Variants in RASAL1 observed in about 807,000 individuals in gnomAD.
RASAL1 encodes the protein RAS protein activator like 1.
Under a neutral mutation model 96.6 loss-of-function variants are expected in RASAL1, and 72 were observed. That is an observed-to-expected ratio of 0.75 (90% CI 0.62 to 0.91). RASAL1 has a LOEUF of 0.91. RASAL1 is among the 40% of genes least tolerant of loss of function. The pLI is 0.00. For synonymous variants in RASAL1, 405 were observed against 430.4 expected, an observed-to-expected ratio of 0.94 and a Z score of 0.73; for missense variants, 1,016 against 1,072.5, an observed-to-expected ratio of 0.95 and a Z score of 0.74.
At chr12:113,102,041 TC>T in intron 18 of RASAL1, 32 bp from the exon 19 acceptor site, 1 of 1,599,802 alleles carries the variant, frequency 6.3e-7, no homozygotes, top group Non-Finnish European at 8.5e-7. Flanking sequence ...CATCAGTAAC[TC>T]CCTCTCCCCT....
At position 113,127,821 on chromosome 12, in the gene RASAL1, C is replaced by T. The variant is rs200952426; in HGVS notation, c.289G>A (p.Asp97Asn). 14 of 1,611,676 alleles carry T rather than the reference C, an allele frequency of 8.7e-6. No homozygotes were observed. The highest frequency in any genetic ancestry group is 1.2e-5 in the Non-Finnish European group (14 of 1,178,044). The stretch of plus-strand genomic sequence containing the variant: ...CATGTCCCTCGCCCACCTCGGGGGT[C>T]GGCTGTAATCGCCTCCCTGCTCAGC... ...ISLSREAITA[D>N]PRGIDSWINL... The change falls in exon 4 of 21, where the codon GAC (aspartate) becomes AAC (asparagine). Residue 97 changes from aspartate to asparagine, a missense_variant. Asp to Asn is a conservative substitution (Grantham distance 23, BLOSUM62 1). Transcript: ENST00000548055.
intron 4 of RASAL1, among the ~76,000 whole-genome samples, chr12:113,127,430 G>T (rs77196406): frequency 0.039 from 6,012 of 152,218 alleles, 204 homozygotes; most frequent in East Asian, 0.17. Flanking sequence ...AGGATTGCTT[G>T]AGCCCAGGAG....
intron 11 of RASAL1, 81 bp from the exon 12 acceptor site, chr12:113,114,993 T>C: frequency 8.1e-7 from 1 of 1,235,672 alleles, no homozygotes. Flanking sequence ...GGGGGGACCA[T>C]GCAGGAAGAG....
chr12:113,127,046 GTTA>G (rs1951510196), intron 4 of RASAL1, among the ~76,000 whole-genome samples: 1 of 138,692 alleles, frequency 7.2e-6, no homozygotes, highest in Non-Finnish European at 1.5e-5. Flanking sequence ...GTTTGCTGCT[GTTA>G]TTATTTTTAA....
Position 113,105,812 on chromosome 12 carries a change from C to T in RASAL1, c.1732G>A (p.Glu578Lys), listed in dbSNP as rs1359863327. ...CGCGTGGCCAGGCCGGCAGGCTCCT[C>T]CTTGCGCTTCAGCAGATAGCCTTCT... ...VREGYLLKRKEEPAGLATRFA... is the reference protein window; with the variant it reads ...VREGYLLKRKKEPAGLATRFA... Residue 578 changes from glutamate to lysine, a missense_variant, in exon 16 of 21, where the codon GAG becomes AAG. Coordinates refer to ENST00000548055, the MANE Select transcript of RASAL1 (RefSeq NM_001301202.2). The T allele has an allele frequency of 6.2e-7, 1 of 1,614,202 alleles. No individual in the cohort carries two copies. Among genetic ancestry groups the T allele is most frequent in the Admixed American group, 1.7e-5 (1 of 60,028 alleles).
intron 1 of RASAL1, among the ~76,000 whole-genome samples, chr12:113,131,968 CTT>C (rs34936583): frequency 0.048 from 5,665 of 118,394 alleles, 123 homozygotes; most frequent in East Asian, 0.15. Flanking sequence ...TCTTCTTCTT[CTT>C]TTTTTTTTTT....
At chr12:113,103,285 A>G in intron 18 of RASAL1, among the ~76,000 whole-genome samples, 1 of 151,106 alleles carries the variant, frequency 6.6e-6, no homozygotes, top group East Asian at 1.9e-4. Context: ...CATTGTATAT[A>G]CATTGTTAAT....
intron 16 of RASAL1, 81 bp from the exon 17 acceptor site, chr12:113,104,379 C>T: frequency 7.3e-7 from 1 of 1,365,998 alleles, no homozygotes; most frequent in South Asian, 1.4e-5. Flanking sequence ...TTGTGTGCAG[C>T]AGGTGGAGTC....
chr12:113,104,758 T>G (rs1009025624), intron 16 of RASAL1, among the ~76,000 whole-genome samples: 2 of 152,190 alleles, frequency 1.3e-5, no homozygotes, highest in African/African-American at 2.4e-5. Context: ...CACCCCGGCC[T>G]CCCAAAGTGC....
chr12:113,115,182 A>C lies in RASAL1; in HGVS notation c.1068+18T>G. 1 of 1,606,306 alleles carries C rather than the reference A, an allele frequency of 6.2e-7. No individual in the cohort carries two copies. Among genetic ancestry groups the C allele is most frequent in the Non-Finnish European group, 8.5e-7 (1 of 1,173,100 alleles). On this transcript the variant is annotated intron_variant, in intron 11 of 20. Transcript: ENST00000548055. This position sits in a 1 kb window ranked among gnomAD's most constrained non-coding sequence, Gnocchi z 4.1. ...CCGAGGAAGCTGCGCCTGGTCCCGC[A>C]GGCCTTCACCTACTCACCTTCATAA...
At chr12:113,108,006 C>A in intron 14 of RASAL1, 79 bp downstream of exon 14, 1 of 1,484,784 alleles carries the variant, frequency 6.7e-7, no homozygotes, top group South Asian at 1.4e-5. Context: ...TTCTGTGGGT[C>A]TGGCCTCCCA....
intron 1 of RASAL1, among the ~76,000 whole-genome samples, chr12:113,131,247 TG>T (rs377751569): frequency 4.6e-4 from 9 of 19,626 alleles, no homozygotes; most frequent in East Asian, 2.6e-3. Flanking sequence ...AGAGCGTGTG[TG>T]GGGGGGGTGG....
At chr12:113,102,672 T>C (rs534682951) in intron 18 of RASAL1, among the ~76,000 whole-genome samples, 19 of 151,926 alleles carry the variant, frequency 1.3e-4, no homozygotes, top group Admixed American at 8.5e-4. Flanking sequence ...CAGGGAGCCA[T>C]GATTGCACCA....
Position 113,130,109 on chromosome 12 carries a change from G to A in RASAL1, c.122+776C>T, listed in dbSNP as rs778912601. 9.9e-5 allele frequency among the ~76,000 whole-genome samples: 15 copies of A among 151,724 alleles called. No individual in the cohort carries two copies. Among genetic ancestry groups the A allele is most frequent in the South Asian group, 2.1e-4 (1 of 4,800 alleles). ...GAATAGGAGCATCCTGAATCCTGCCGTCTCCATAGGAACCAAGGCCTCAGC... is the reference window on the plus strand; with the variant it reads ...GAATAGGAGCATCCTGAATCCTGCCATCTCCATAGGAACCAAGGCCTCAGC... On this transcript the variant is annotated intron_variant, in intron 2 of 20. Transcript: ENST00000548055. This position sits in a 1 kb window ranked among gnomAD's most constrained non-coding sequence, Gnocchi z 5.1.
chr12:113,119,896 C>A (rs1258213733), intron 5 of RASAL1, among the ~76,000 whole-genome samples: 1 of 152,186 alleles, frequency 6.6e-6, no homozygotes, highest in African/African-American at 2.4e-5. Context: ...TAATAACAGA[C>A]CAACCTCATA....
intron 7 of RASAL1, among the ~76,000 whole-genome samples, chr12:113,118,248 CAA>C (rs1317464203): frequency 2.6e-5 from 4 of 152,120 alleles, no homozygotes; most frequent in East Asian, 1.9e-4. Flanking sequence ...AAAAAATAAA[CAA>C]GAGTTAAGTT....
At chr12:113,111,717 C>T (rs972209255) in intron 13 of RASAL1, among the ~76,000 whole-genome samples, 5 of 152,238 alleles carry the variant, frequency 3.3e-5, no homozygotes, top group Admixed American at 6.5e-5. Context: ...ACTCAGCCTC[C>T]GGAGTAGCTG....
intron 13 of RASAL1, among the ~76,000 whole-genome samples, chr12:113,110,851 G>A (rs1950841802): frequency 6.6e-6 from 1 of 152,180 alleles, no homozygotes; most frequent in Non-Finnish European, 1.5e-5. Flanking sequence ...TGGGATAGAG[G>A]CTGCAGTGAG....
rs930294415 is a variant in RASAL1, at chr12:113,129,916, G to T, written c.122+969C>A. 1.1e-4 allele frequency among the ~76,000 whole-genome samples: 16 copies of T among 152,198 alleles called. No homozygotes were observed. The highest frequency in any genetic ancestry group is 3.6e-4 in the African/African-American group (15 of 41,440). ...AGAGAGGGAGAGACAGCAGCCTGGG[G>T]TCACACAGAAAATCAATCTGTGGGT... On this transcript the variant is annotated intron_variant, in intron 2 of 20. Transcript: ENST00000548055. The surrounding 1 kb of genome is among the most constrained non-coding windows in gnomAD (Gnocchi z 5.0).
Sources: gnomAD v4.1 joint callset for allele counts (sites outside exome capture counted in the v4.1 genomes callset) on GRCh38, gnomAD v4.1.1 for gene constraint, Gnocchi (gnomAD v3.1) non-coding constraint, MANE v1.5 for transcripts, NCBI Gene and HGNC (gene_info 2026-07-23, HGNC 2026-07-21) for gene names.